Variants in MEF2A observed in about 807,000 individuals in gnomAD.
The protein encoded by MEF2A is myocyte enhancer factor 2A, also known as myocyte-specific enhancer factor 2A.
In MEF2A, 28 loss-of-function variants were observed where a neutral mutation model predicts 55.8. The observed-to-expected ratio is 0.50, with a 90% CI of 0.37 to 0.69. The LOEUF (loss-of-function observed/expected upper bound fraction) is 0.69, where lower values mean the gene tolerates loss of function less well. Among genes scored for constraint, MEF2A ranks in the 30% least tolerant of loss-of-function variants. MEF2A has a pLI of 0.00. For synonymous variants in MEF2A, 239 were observed against 227.1 expected, an observed-to-expected ratio of 1.05 and a Z score of -0.47; for missense variants, 528 against 626.2, an observed-to-expected ratio of 0.84 and a Z score of 1.67.
At chr15:99,604,714 T>A (rs182210808) in intron 2 of MEF2A, among the ~76,000 whole-genome samples, 1 of 152,010 alleles carries the variant, frequency 6.6e-6, no homozygotes, top group East Asian at 1.9e-4. Flanking sequence ...GTTTTGTTTT[T>A]TTTTTTTGGT....
intron 1 of MEF2A, among the ~76,000 whole-genome samples, chr15:99,570,870 GA>G (rs1961934364): frequency 6.6e-6 from 1 of 151,980 alleles, no homozygotes; most frequent in South Asian, 2.1e-4. Flanking sequence ...TAATGTAAGG[GA>G]TAGAAGATTG....
intron 7 of MEF2A, among the ~76,000 whole-genome samples, chr15:99,682,146 A>G (rs1270518049): frequency 6.6e-6 from 1 of 152,226 alleles, no homozygotes; most frequent in Non-Finnish European, 1.5e-5. Context: ...AGTAGTATCT[A>G]AGGACACAGA....
At chr15:99,656,008 A>C (rs1308040556) in intron 4 of MEF2A, among the ~76,000 whole-genome samples, 1 of 152,116 alleles carries the variant, frequency 6.6e-6, no homozygotes, top group Non-Finnish European at 1.5e-5. Context: ...TGCTCAGTAA[A>C]GATTCAGCAC....
intron 1 of MEF2A, among the ~76,000 whole-genome samples, chr15:99,572,665 C>T (rs968930658): frequency 5.3e-5 from 8 of 152,214 alleles, no homozygotes; most frequent in Non-Finnish European, 2.9e-5. Context: ...CTGTCTTGCA[C>T]ACATAGTTAT....
rs577622484 is a variant in MEF2A, at chr15:99,711,883, A to C, written c.1137-507A>C. ...AGGGCTCAGAGCCCAGGCCCGGGGAACAGCCTGTTTGCGTCCTCCTCTACT... is the reference window on the plus strand; with the variant it reads ...AGGGCTCAGAGCCCAGGCCCGGGGACCAGCCTGTTTGCGTCCTCCTCTACT... On this transcript the variant is annotated intron_variant, in intron 11 of 11. Coordinates refer to ENST00000557942, the MANE Select transcript of MEF2A (RefSeq NM_001319206.4). Among the ~76,000 whole-genome samples, 15 of 152,180 alleles carry C rather than the reference A, an allele frequency of 9.9e-5. No individual in the cohort carries two copies. The East Asian group carries it at 2.7e-3, about 28-fold the overall frequency.
intron 2 of MEF2A, among the ~76,000 whole-genome samples, chr15:99,624,702 C>A (rs2041788903): frequency 6.6e-6 from 1 of 152,116 alleles, no homozygotes; most frequent in Admixed American, 6.5e-5. Flanking sequence ...TCTATTTCTG[C>A]AAAAATACCA....
At chr15:99,581,591 C>G (rs529114134) in intron 1 of MEF2A, among the ~76,000 whole-genome samples, 1 of 152,114 alleles carries the variant, frequency 6.6e-6, no homozygotes, top group African/African-American at 2.4e-5. Context: ...TCTGCTTCCC[C>G]CAAACCCTTC....
intron 7 of MEF2A, among the ~76,000 whole-genome samples, chr15:99,687,707 T>C (rs529682682): frequency 6.6e-6 from 1 of 152,368 alleles, no homozygotes; most frequent in Admixed American, 6.5e-5. Flanking sequence ...TCTATTTCAT[T>C]GTAAATTTTG....
At chr15:99,693,352 G>A (rs2055858997) in intron 8 of MEF2A, among the ~76,000 whole-genome samples, 1 of 152,026 alleles carries the variant, frequency 6.6e-6, no homozygotes, top group South Asian at 2.1e-4. Flanking sequence ...GAACAGATTA[G>A]GAGTAATATT....
At position 99,627,878 on chromosome 15, in the gene MEF2A, G is replaced by A. The variant is rs116194453; in HGVS notation, c.-142-5100G>A. Among the ~76,000 whole-genome samples the A allele has an allele frequency of 3.2e-3, 490 of 152,274 alleles. 4 individuals carry two copies. Among genetic ancestry groups the A allele is most frequent in the African/African-American group, 0.011 (476 of 41,562 alleles). Reference sequence around the variant, plus strand: ...AGAAGGAAAAAAAGCCAGTGAGAAAGTAACTGCATATGAAGTCATGTAGTA... The same window carrying A: ...AGAAGGAAAAAAAGCCAGTGAGAAAATAACTGCATATGAAGTCATGTAGTA... On this transcript the variant is annotated intron_variant, in intron 2 of 11. Coordinates refer to ENST00000557942, the MANE Select transcript of MEF2A (RefSeq NM_001319206.4).
At chr15:99,623,629 A>G (rs2041600756) in intron 2 of MEF2A, among the ~76,000 whole-genome samples, 1 of 152,118 alleles carries the variant, frequency 6.6e-6, no homozygotes. Context: ...TTTGACTTGC[A>G]TTTCCTAATG....
rs142928508 is a variant in MEF2A, at chr15:99,574,729, A to G, written c.-225+8625A>G. Among the ~76,000 whole-genome samples the G allele has an allele frequency of 2.3e-3, 352 of 152,334 alleles. 2 individuals are homozygous for G. Among genetic ancestry groups the G allele is most frequent in the Non-Finnish European group, 3.1e-3 (209 of 68,028 alleles). Reference sequence around the variant, plus strand: ...TACAGATGAAGGTTCACTCACTGGCATGCCGCTCATCTCTTGCTGTGTGGC... The same window carrying G: ...TACAGATGAAGGTTCACTCACTGGCGTGCCGCTCATCTCTTGCTGTGTGGC... On this transcript the variant is annotated intron_variant, in intron 1 of 11. Transcript: ENST00000557942.
chr15:99,599,318 AT>A, intron 2 of MEF2A, among the ~76,000 whole-genome samples: 1 of 152,170 alleles, frequency 6.6e-6, no homozygotes, highest in Non-Finnish European at 1.5e-5. Flanking sequence ...TAACATTAGC[AT>A]TTTAAATATT....
intron 8 of MEF2A, among the ~76,000 whole-genome samples, chr15:99,698,176 ATGTAT>A: frequency 6.6e-6 from 1 of 152,314 alleles, no homozygotes; most frequent in East Asian, 1.9e-4. Context: ...GAAAAAACTG[ATGTAT>A]TGGAGGTTGA....
chr15:99,710,994 A>G (rs189524627), intron 11 of MEF2A, among the ~76,000 whole-genome samples: 12 of 152,332 alleles, frequency 7.9e-5, no homozygotes, highest in African/African-American at 2.2e-4. Context: ...GGCTTCTCCC[A>G]TAGGGACATC....
chr15:99,643,691 A>G (rs1037129961), intron 3 of MEF2A, among the ~76,000 whole-genome samples: 4 of 150,202 alleles, frequency 2.7e-5, no homozygotes, highest in African/African-American at 9.9e-5. Context: ...TCCAGTGTTC[A>G]TGCCATTCTC....
At chr15:99,570,398 G>T (rs4451927) in intron 1 of MEF2A, among the ~76,000 whole-genome samples, 23 of 152,386 alleles carry the variant, frequency 1.5e-4, no homozygotes, top group African/African-American at 5.0e-4. Context: ...AACATAAAAA[G>T]GAAACAAAGC....
At position 99,665,470 on chromosome 15, in the gene MEF2A, A is replaced by G. The variant is rs527708014; in HGVS notation, c.259-5853A>G. Among the ~76,000 whole-genome samples, 113 of 152,304 alleles carry G rather than the reference A, an allele frequency of 7.4e-4. 1 individual carries two copies. The South Asian group carries it at 0.023, about 31-fold the overall frequency. ...AGATTTAAACGTAAGACCTAAAGCC[A>G]TAAAAACTCTAGAAGAAAATCTAAG... is the stretch of plus-strand genomic sequence containing the variant. On this transcript the variant is annotated intron_variant, in intron 4 of 11. Transcript: ENST00000557942.
At chr15:99,621,912 T>G (rs1441128785) in intron 2 of MEF2A, among the ~76,000 whole-genome samples, 1 of 152,234 alleles carries the variant, frequency 6.6e-6, no homozygotes, top group Non-Finnish European at 1.5e-5. Context: ...AAATGGGGTG[T>G]TCTGATGAAC....
Sources: allele counts gnomAD v4.1 joint callset (sites outside exome capture counted in the v4.1 genomes callset), GRCh38; gene constraint gnomAD v4.1.1; transcripts MANE v1.5; gene names NCBI Gene and HGNC (gene_info 2026-07-23, HGNC 2026-07-21).